NIPSNAP2: variants seen among roughly 807,000 people sequenced by gnomAD.
The protein encoded by NIPSNAP2 is protein NipSnap homolog 2.
In NIPSNAP2, 42 loss-of-function variants were observed where a neutral mutation model predicts 48.4. The observed-to-expected ratio is 0.87, with a 90% CI of 0.68 to 1.12. The LOEUF is 1.12. Ranked by LOEUF, NIPSNAP2 falls within the 50% of genes most tolerant of loss-of-function variation. The probability of loss-of-function intolerance (pLI) is 0.00; values close to 1 mark genes in which losing one functional copy is unlikely to be tolerated. For missense variants in NIPSNAP2, 314 were observed against 347.3 expected, an observed-to-expected ratio of 0.90 and a Z score of 0.76; for synonymous variants, 158 against 126.6, an observed-to-expected ratio of 1.25 and a Z score of -1.67.
Position 55,981,558 on chromosome 7 carries a change from G to A in NIPSNAP2, c.364G>A (p.Asp122Asn), listed in dbSNP as rs1334586213. ...TTGGAACACGTGGTATGGCGAGCAG[G>A]ACCAAGCTGGTAGGAAGCGAAGTCT... ...GTWNTWYGEQDQAVHLWRYEG... is the reference protein window; with the variant it reads ...GTWNTWYGEQNQAVHLWRYEG... The change falls in exon 4 of 10, where the codon GAC (aspartate) becomes AAC (asparagine). Residue 122 changes from aspartate (D) to asparagine (N), a missense_variant. By Grantham distance (23) the Asp-to-Asn change is conservative. Coordinates refer to ENST00000322090, the MANE Select transcript of NIPSNAP2 (RefSeq NM_001483.3). The A allele has an allele frequency of 2.5e-6, 4 of 1,612,790 alleles. No individual in the cohort carries two copies. Among genetic ancestry groups the A allele is most frequent in the Non-Finnish European group, 1.7e-6 (2 of 1,179,008 alleles).
At chr7:55,997,860 A>G (rs1173865640) in intron 9 of NIPSNAP2, among the ~76,000 whole-genome samples, 1 of 152,246 alleles carries the variant, frequency 6.6e-6, no homozygotes, top group Non-Finnish European at 1.5e-5. Context: ...TAGATAAATT[A>G]AACTTCCTGT....
intron 1 of NIPSNAP2, among the ~76,000 whole-genome samples, chr7:55,974,051 C>A (rs1050793281): frequency 6.6e-6 from 1 of 151,736 alleles, no homozygotes; most frequent in Non-Finnish European, 1.5e-5. Flanking sequence ...ATGATGAAAC[C>A]CTGTCCCTAC....
At chr7:55,990,595 C>A (rs1046350935) in intron 7 of NIPSNAP2, among the ~76,000 whole-genome samples, 1 of 151,986 alleles carries the variant, frequency 6.6e-6, no homozygotes, top group Non-Finnish European at 1.5e-5. Flanking sequence ...TTAACTCTTA[C>A]TTTTCTTTGG....
chr7:55,998,986 G>A (rs970177979), intron 9 of NIPSNAP2, 22 bp from the exon 10 acceptor site: 3 of 1,607,716 alleles, frequency 1.9e-6, no homozygotes, highest in Middle Eastern at 3.3e-4. Flanking sequence ...AACAAGTGCA[G>A]TAACCCTGAT....
At chr7:55,997,251 T>C (rs1232844515) in intron 8 of NIPSNAP2, 115 bp from the exon 9 acceptor site, 2 of 741,766 alleles carry the variant, frequency 2.7e-6, no homozygotes, top group Admixed American at 4.0e-5. Flanking sequence ...ATTACACACC[T>C]GAAGTAGTCC....
chr7:55,995,070 T>G, intron 8 of NIPSNAP2, 82 bp downstream of exon 8: 1 of 1,165,270 alleles, frequency 8.6e-7, no homozygotes, highest in African/African-American at 1.5e-5. Flanking sequence ...ACATCTTGAG[T>G]CAGTAACCTT....
rs371705658 is a variant in NIPSNAP2, at chr7:55,967,706, T to C, written c.92+3005T>C. On this transcript the variant is annotated intron_variant, in intron 1 of 9. Transcript: ENST00000322090. ...CTCTGTTGCCCAGGCTGGAGTTCAGTGGCGTGATCTCGGCTCCCTGCAACC... is the reference window on the plus strand; with the variant it reads ...CTCTGTTGCCCAGGCTGGAGTTCAGCGGCGTGATCTCGGCTCCCTGCAACC... Among the ~76,000 whole-genome samples, 155 of 152,020 alleles carry C rather than the reference T, an allele frequency of 1.0e-3. 1 individual carries two copies. Among genetic ancestry groups the C allele is most frequent in the Middle Eastern group, 6.8e-3 (2 of 294 alleles).
At chr7:55,997,055 A>T (rs1031031711) in intron 8 of NIPSNAP2, among the ~76,000 whole-genome samples, 1 of 151,990 alleles carries the variant, frequency 6.6e-6, no homozygotes, top group Non-Finnish European at 1.5e-5. Context: ...GCTATTCAGC[A>T]GGCTGAGGTG....
At chr7:55,976,959 CT>C (rs1041724442) in intron 1 of NIPSNAP2, among the ~76,000 whole-genome samples, 21 of 152,248 alleles carry the variant, frequency 1.4e-4, no homozygotes, top group Non-Finnish European at 2.8e-4. Flanking sequence ...TTTATCCTCA[CT>C]TTCTGAAAGC....
chr7:55,980,385 C>T (rs766703384), intron 3 of NIPSNAP2: 11 of 153,662 alleles, frequency 7.2e-5, no homozygotes, highest in Non-Finnish European at 1.4e-4. Context: ...GTGGTGCAGT[C>T]GGTTAGCACA....
chr7:55,969,760 A>G (rs181515847), intron 1 of NIPSNAP2, among the ~76,000 whole-genome samples: 438 of 152,114 alleles, frequency 2.9e-3, no homozygotes, highest in East Asian at 5.1e-3. Flanking sequence ...AAGGTGGGCG[A>G]ATCACGAGGT....
intron 1 of NIPSNAP2, among the ~76,000 whole-genome samples, chr7:55,975,334 CAG>C (rs1470684850): frequency 6.6e-6 from 1 of 152,088 alleles, no homozygotes; most frequent in African/African-American, 2.4e-5. Flanking sequence ...GCCTGGGCAA[CAG>C]AGTAAGAGCC....
intron 1 of NIPSNAP2, among the ~76,000 whole-genome samples, chr7:55,970,807 C>CCTTCTCCACCTGT (rs1787002261): frequency 6.6e-6 from 1 of 152,130 alleles, no homozygotes; most frequent in South Asian, 2.1e-4. Flanking sequence ...TTAGCACCTG[C>CCTTCTCCACCTGT]CTTCTCCACC....
At chr7:55,990,982 A>G (rs777710122) in intron 7 of NIPSNAP2, among the ~76,000 whole-genome samples, 3 of 151,714 alleles carry the variant, frequency 2.0e-5, no homozygotes, top group Admixed American at 6.6e-5. Flanking sequence ...GTAGAGACAG[A>G]GTTTCGCCAT....
chr7:55,987,005 A>C (rs990502286), intron 7 of NIPSNAP2, among the ~76,000 whole-genome samples: 4 of 143,754 alleles, frequency 2.8e-5, no homozygotes, highest in Non-Finnish European at 3.1e-5. Flanking sequence ...AAAAAAAAAA[A>C]AAAAACTTGC....
At chr7:55,981,279 C>T in intron 3 of NIPSNAP2, 194 bp from the exon 4 acceptor site, 1 of 439,260 alleles carries the variant, frequency 2.3e-6, no homozygotes, top group East Asian at 3.8e-5. Flanking sequence ...ACCTAAGCTT[C>T]TGATCAGCAG....
Position 55,972,288 on chromosome 7 carries a change from A to C in NIPSNAP2, c.93-5838A>C, listed in dbSNP as rs189530304. On this transcript the variant is annotated intron_variant, in intron 1 of 9. Transcript: ENST00000322090. Reference sequence around the variant, plus strand: ...GCCACTATTGCCCTCCAGCCTGGGCAACAGAGCAAGACTCTGTCTCAAAAA... The same window carrying C: ...GCCACTATTGCCCTCCAGCCTGGGCCACAGAGCAAGACTCTGTCTCAAAAA... Among the ~76,000 whole-genome samples the C allele has an allele frequency of 5.3e-5, 8 of 149,574 alleles. No homozygotes were observed. The East Asian group carries it at 1.6e-3, about 30-fold the overall frequency.
At chr7:55,994,210 T>C (rs911226053) in intron 7 of NIPSNAP2, among the ~76,000 whole-genome samples, 5 of 152,224 alleles carry the variant, frequency 3.3e-5, no homozygotes, top group African/African-American at 1.2e-4. Flanking sequence ...TTTGCCTCGC[T>C]TCCCCTCTGA....
intron 7 of NIPSNAP2, among the ~76,000 whole-genome samples, chr7:55,993,848 A>G (rs1427731855): frequency 6.6e-6 from 1 of 151,998 alleles, no homozygotes; most frequent in Non-Finnish European, 1.5e-5. Flanking sequence ...CACAATGTAT[A>G]TTAGTACTTT....
Sources: allele counts gnomAD v4.1 joint callset (sites outside exome capture counted in the v4.1 genomes callset), GRCh38; gene constraint gnomAD v4.1.1; transcripts MANE v1.5; gene names NCBI Gene and HGNC (gene_info 2026-07-23, HGNC 2026-07-21).